Variants in PLXDC2 observed in about 807,000 individuals in gnomAD.
PLXDC2 encodes the protein plexin domain containing 2, also known as plexin domain-containing protein 2.
A neutral mutation model predicts 68.9 loss-of-function variants in PLXDC2; 40 were observed. That is an observed-to-expected ratio of 0.58 (90% CI 0.45 to 0.76). The LOEUF (loss-of-function observed/expected upper bound fraction) is 0.76, where lower values mean the gene tolerates loss of function less well. Among genes scored for constraint, PLXDC2 ranks in the 30% least tolerant of loss-of-function variants. PLXDC2 has a pLI of 0.00. For synonymous variants in PLXDC2, 243 were observed against 234.2 expected, an observed-to-expected ratio of 1.04 and a Z score of -0.34; for missense variants, 644 against 661.9, an observed-to-expected ratio of 0.97 and a Z score of 0.30.
At chr10:20,126,427 G>GT (rs1174631557) in intron 4 of PLXDC2, among the ~76,000 whole-genome samples, 8 of 89,416 alleles carry the variant, frequency 8.9e-5, no homozygotes, top group African/African-American at 2.6e-4. Flanking sequence ...CGTTATATAT[G>GT]TATATACAAC....
chr10:20,135,008 T>C (rs888943931), intron 4 of PLXDC2, among the ~76,000 whole-genome samples: 3 of 152,224 alleles, frequency 2.0e-5, no homozygotes, highest in Non-Finnish European at 4.4e-5. Context: ...TTTTCTTACC[T>C]ATCTTCTTCA....
At chr10:20,145,039 A>AT (rs1168581008) in intron 5 of PLXDC2, among the ~76,000 whole-genome samples, 1 of 152,182 alleles carries the variant, frequency 6.6e-6, no homozygotes, top group Non-Finnish European at 1.5e-5. Context: ...ATAAGAAATC[A>AT]TTTTATCTCC....
At chr10:20,185,521 G>A (rs1430020546) in intron 9 of PLXDC2, among the ~76,000 whole-genome samples, 1 of 151,974 alleles carries the variant, frequency 6.6e-6, no homozygotes, top group East Asian at 1.9e-4. Flanking sequence ...CACCACAATT[G>A]TTGAATGACA....
chr10:19,990,463 T>C lies in PLXDC2; in HGVS notation c.113-11312T>C, dbSNP rs1339409408. On this transcript the variant is annotated intron_variant, in intron 1 of 13. Transcript: ENST00000377252. ...GCTTTTGTGAGTTATGAAAACCTTT[T>C]ATAAAAATGTAATTCAAAAATAAAG... Among the ~76,000 whole-genome samples the C allele has an allele frequency of 9.9e-5, 15 of 150,962 alleles. No homozygotes were observed. In the Admixed American group the frequency reaches 9.9e-4, roughly 10 times the overall value.
At chr10:20,165,029 C>T (rs2131815505) in intron 7 of PLXDC2, among the ~76,000 whole-genome samples, 1 of 152,144 alleles carries the variant, frequency 6.6e-6, no homozygotes, top group African/African-American at 2.4e-5. Flanking sequence ...TGCTGTGTTG[C>T]CCAGGCTGGT....
intron 1 of PLXDC2, among the ~76,000 whole-genome samples, chr10:19,980,222 C>T (rs1378777122): frequency 6.6e-6 from 1 of 152,054 alleles, no homozygotes; most frequent in African/African-American, 2.4e-5. Context: ...ATGAATGGAT[C>T]TTTGTAGTGG....
rs143536250 is a variant in PLXDC2 at position 20,024,939 on chromosome 10, G to T, written c.325-21930G>T. Reference sequence around the variant, plus strand: ...TTTTATAGTATTCCATGGTGTATATGTAGCACATTTTCTTTATCCAATCCA... The same window carrying T: ...TTTTATAGTATTCCATGGTGTATATTTAGCACATTTTCTTTATCCAATCCA... On this transcript the variant is annotated intron_variant, in intron 2 of 13. Transcript: ENST00000377252. 5.0e-3 allele frequency among the ~76,000 whole-genome samples: 764 copies of T among 152,202 alleles called. 5 individuals carry two copies. The highest frequency in any genetic ancestry group is 7.8e-3 in the Non-Finnish European group (531 of 68,010).
At chr10:19,982,901 A>C (rs2131621340) in intron 1 of PLXDC2, among the ~76,000 whole-genome samples, 1 of 152,308 alleles carries the variant, frequency 6.6e-6, no homozygotes, top group Admixed American at 6.5e-5. Context: ...TAGATCTGAA[A>C]GTCCATTTAT....
intron 6 of PLXDC2, among the ~76,000 whole-genome samples, chr10:20,155,850 C>G (rs1055962320): frequency 2.6e-5 from 4 of 151,970 alleles, no homozygotes; most frequent in Non-Finnish European, 4.4e-5. Context: ...AGATCAATGT[C>G]CCAGAGGAAA....
At chr10:20,181,015 A>G (rs979757119) in intron 9 of PLXDC2, among the ~76,000 whole-genome samples, 9 of 152,050 alleles carry the variant, frequency 5.9e-5, no homozygotes, top group Admixed American at 5.9e-4. Flanking sequence ...TCACTTCCCA[A>G]GGAGAGCTTT....
At chr10:19,899,999 A>T (rs914684835) in intron 1 of PLXDC2, among the ~76,000 whole-genome samples, 7 of 152,314 alleles carry the variant, frequency 4.6e-5, no homozygotes, top group Middle Eastern at 6.8e-3. Flanking sequence ...CAAATGAGAA[A>T]AGATATAGAC....
At position 20,262,394 on chromosome 10, in the gene PLXDC2, G is replaced by A. The variant is rs184365838; in HGVS notation, c.1473+16889G>A. ...AAAAAATTATGCTGCCCAGGCATGTGTGGAGACCCTGGAGCCTTAGATACT... is the reference window on the plus strand; with the variant it reads ...AAAAAATTATGCTGCCCAGGCATGTATGGAGACCCTGGAGCCTTAGATACT... On this transcript the variant is annotated intron_variant, in intron 13 of 13. Transcript: ENST00000377252. Among the ~76,000 whole-genome samples, 397 of 152,336 alleles carry A rather than the reference G, an allele frequency of 2.6e-3. 1 individual carries two copies. The highest frequency in any genetic ancestry group is 4.0e-3 in the Non-Finnish European group (273 of 68,038).
At chr10:19,991,846 C>T (rs1302003187) in intron 1 of PLXDC2, among the ~76,000 whole-genome samples, 1 of 152,200 alleles carries the variant, frequency 6.6e-6, no homozygotes, top group Non-Finnish European at 1.5e-5. Flanking sequence ...CCTCTTCTGC[C>T]TCAGCCATTT....
chr10:20,143,216 A>T lies in PLXDC2; in HGVS notation c.542-79A>T. The stretch of plus-strand genomic sequence containing the variant: ...CATTTTATTTTCATAATATGACTGT[A>T]ATTGAGTTGGAAGTATTTTAATCAT... On this transcript the variant is annotated intron_variant, in intron 4 of 13. Transcript: ENST00000377252. 7.8e-6 allele frequency: 11 copies of T among 1,401,590 alleles called. No individual in the cohort carries two copies. The South Asian group carries it at 1.5e-4, about 19-fold the overall frequency. The allele number at this position is 1,401,590 out of a possible 1,614,324, so 86.8% of individuals were successfully genotyped here. A position where few individuals can be genotyped will look rare whatever the true frequency, so the allele number is the denominator to read the frequency against.
At position 19,952,009 on chromosome 10, in the gene PLXDC2, G is replaced by A. The variant is rs575434643; in HGVS notation, c.113-49766G>A. 2.7e-4 allele frequency among the ~76,000 whole-genome samples: 41 copies of A among 152,188 alleles called. No individual in the cohort carries two copies. In the South Asian group the frequency reaches 8.3e-3, roughly 31 times the overall value. ...GGAGACTACACGGTGAGGGGGGAAG[G>A]AAGGGGAGCCAGAGGTGACAAACTA... On this transcript the variant is annotated intron_variant, in intron 1 of 13. Transcript: ENST00000377252.
intron 1 of PLXDC2, among the ~76,000 whole-genome samples, chr10:19,823,489 C>T (rs1321714275): frequency 2.6e-5 from 4 of 151,280 alleles, no homozygotes; most frequent in Non-Finnish European, 4.4e-5. Context: ...CAAGACCATC[C>T]TGGCCAACAT....
chr10:20,030,349 T>A (rs80311021), intron 2 of PLXDC2, among the ~76,000 whole-genome samples: 1,864 of 152,324 alleles, frequency 0.012, 20 homozygotes, highest in Non-Finnish European at 0.021. Context: ...TGACTTGTTC[T>A]GATGAAAACA....
chr10:20,115,954 C>T (rs74893273), intron 4 of PLXDC2, among the ~76,000 whole-genome samples: 1,938 of 152,198 alleles, frequency 0.013, 49 homozygotes, highest in African/African-American at 0.044. Flanking sequence ...CCTCGCAGCA[C>T]GATGACCCTT....
intron 1 of PLXDC2, among the ~76,000 whole-genome samples, chr10:19,834,352 A>AGTGT (rs1211114910): frequency 2.0e-5 from 3 of 147,626 alleles, no homozygotes; most frequent in African/African-American, 7.5e-5. Context: ...AGAGAGAGAG[A>AGTGT]GAGTGTGTGT....
Sources: gnomAD v4.1 joint callset for allele counts (sites outside exome capture counted in the v4.1 genomes callset) on GRCh38, gnomAD v4.1.1 for gene constraint, MANE v1.5 for transcripts, NCBI Gene and HGNC (gene_info 2026-07-23, HGNC 2026-07-21) for gene names.